PEAK1: variants seen among roughly 807,000 people sequenced by gnomAD.
PEAK1 encodes the protein inactive tyrosine-protein kinase PEAK1.
In PEAK1, 54 loss-of-function variants were observed where a neutral mutation model predicts 124.7. The observed-to-expected ratio is 0.43, with a 90% CI of 0.35 to 0.54. PEAK1 has a LOEUF of 0.54. PEAK1 is among the 20% of genes least tolerant of loss of function. The probability of loss-of-function intolerance (pLI) is 0.01; values close to 1 mark genes in which losing one functional copy is unlikely to be tolerated. For synonymous variants in PEAK1, 719 were observed against 760.0 expected (o/e 0.95, Z 0.89); for missense variants, 2,046 against 2,134.5 (o/e 0.96, Z 0.82).
At chr15:77,333,307 ATTTG>A (rs1234252346) in intron 2 of PEAK1, 1 of 971,908 alleles carries the variant, frequency 1.0e-6, no homozygotes, top group East Asian at 1.1e-4. Context: ...GTGTGTTATT[ATTTG>A]TTTAATTTTG....
chr15:77,395,494 C>T lies in PEAK1; in HGVS notation c.-666+24512G>A, dbSNP rs144869341. On this transcript the variant is annotated intron_variant, in intron 1 of 9. Transcript: ENST00000682557. Reference sequence around the variant, plus strand: ...AGAAGATTTAACCCATGTAAGACTACCTCAAGACATTTAATCATCAAACTT... The same window carrying T: ...AGAAGATTTAACCCATGTAAGACTATCTCAAGACATTTAATCATCAAACTT... Among the ~76,000 whole-genome samples the T allele has an allele frequency of 4.5e-3, 687 of 152,076 alleles. 4 individuals carry two copies. The highest frequency in any genetic ancestry group is 0.015 in the African/African-American group (633 of 41,492).
chr15:77,224,476 T>C (rs907844132), intron 6 of PEAK1, among the ~76,000 whole-genome samples: 1 of 152,078 alleles, frequency 6.6e-6, no homozygotes, highest in African/African-American at 2.4e-5. Context: ...GAGGGCTGAT[T>C]TGTCTCTGAC....
At chr15:77,198,649 T>C (rs969023187) in intron 6 of PEAK1, among the ~76,000 whole-genome samples, 23 of 152,210 alleles carry the variant, frequency 1.5e-4, no homozygotes, top group Admixed American at 5.9e-4. Context: ...AGCATTTGTA[T>C]GGGTGCAGGA....
At chr15:77,354,173 A>T (rs2067364578) in intron 2 of PEAK1, among the ~76,000 whole-genome samples, 1 of 152,204 alleles carries the variant, frequency 6.6e-6, no homozygotes, top group Non-Finnish European at 1.5e-5. Context: ...ATCAAACTAA[A>T]TATTACAAAA....
At chr15:77,245,281 A>G (rs545565739) in intron 6 of PEAK1, among the ~76,000 whole-genome samples, 2 of 152,022 alleles carry the variant, frequency 1.3e-5, no homozygotes, top group Admixed American at 1.3e-4. Context: ...CCTGAGCCCA[A>G]GAAGTCAAGG....
At chr15:77,350,299 T>G (rs767913186) in intron 2 of PEAK1, 14 of 985,230 alleles carry the variant, frequency 1.4e-5, no homozygotes, top group Admixed American at 6.2e-5. Context: ...ATATATAATT[T>G]GGGTGGGAAT....
At position 77,115,098 on chromosome 15, in the gene PEAK1, G is replaced by A. The variant is rs1022533398; in HGVS notation, c.4299C>T (p.Asn1433=). 4 of 1,613,986 alleles carry A rather than the reference G, an allele frequency of 2.5e-6. No homozygotes were observed. The highest frequency in any genetic ancestry group is 2.2e-5 in the East Asian group (1 of 44,886). The change falls in exon 10 of 10, where the codon AAC becomes AAT. Residue 1433 remains asparagine, a synonymous_variant. Coordinates refer to ENST00000682557, the MANE Select transcript of PEAK1 (RefSeq NM_001385026.1). ...EDAKGETDGK[N]PKPCSEAASS... ...ATGCTGCTTCAGAACAGGGCTTTGG[G>A]TTTTTCCCATCCGTTTCTCCTTTGG...
chr15:77,198,460 T>C (rs980699295), intron 6 of PEAK1, among the ~76,000 whole-genome samples: 24 of 152,192 alleles, frequency 1.6e-4, no homozygotes, highest in African/African-American at 5.6e-4. Flanking sequence ...TTGCTTGTTA[T>C]GTACTGTAGT....
At chr15:77,333,014 T>G (rs2065986542) in intron 2 of PEAK1, 1 of 929,722 alleles carries the variant, frequency 1.1e-6, no homozygotes, top group South Asian at 5.0e-5. Context: ...TATTGACTTA[T>G]AAGTGCTCTT....
chr15:77,255,526 C>T (rs1171127258), intron 5 of PEAK1: 5 of 276,618 alleles, frequency 1.8e-5, no homozygotes, highest in African/African-American at 1.1e-4. Flanking sequence ...AAAAATATTC[C>T]CAAAATATGC....
Position 77,114,954 on chromosome 15 carries a change from C to T in PEAK1, c.4443G>A (p.Gln1481=). 1 of 1,614,120 alleles carries T rather than the reference C, an allele frequency of 6.2e-7. No homozygotes were observed. The highest frequency in any genetic ancestry group is 8.5e-7 in the Non-Finnish European group (1 of 1,180,022). ...CATACAAATCAGGGCTTTTCCCATG[C>T]TGGGCCAGAGAGTCTCGCACAAAAT... is the stretch of plus-strand genomic sequence containing the variant. ...VADFVRDSLA[Q]HGKSPDLYER... is the part of the protein sequence containing the mutation. Residue 1481 remains glutamine (Q), a synonymous_variant, in exon 10 of 10, where the codon CAG becomes CAA. Coordinates refer to ENST00000682557, the MANE Select transcript of PEAK1 (RefSeq NM_001385026.1).
At chr15:77,251,918 T>A (rs1419339093) in intron 6 of PEAK1, among the ~76,000 whole-genome samples, 1 of 152,258 alleles carries the variant, frequency 6.6e-6, no homozygotes, top group Non-Finnish European at 1.5e-5. Context: ...GCTGCTACTG[T>A]CTGCCTACAA....
intron 5 of PEAK1, among the ~76,000 whole-genome samples, chr15:77,281,985 A>G (rs2062698189): frequency 6.6e-6 from 1 of 152,206 alleles, no homozygotes; most frequent in Non-Finnish European, 1.5e-5. Context: ...CGAAGCCCTG[A>G]GCTATATCTA....
In PEAK1 at chr15:77,285,018, G is replaced by A. The variant is rs1453119903; in HGVS notation, c.-483C>T. 1 of 151,600 alleles carries A rather than the reference G, an allele frequency of 6.6e-6. No individual in the cohort carries two copies. Among genetic ancestry groups the A allele is most frequent in the East Asian group, 1.9e-4 (1 of 5,164 alleles). 9.4% of individuals were successfully genotyped at this position (151,600 alleles called of 1,614,324 possible). On this transcript the variant is annotated 5_prime_UTR_variant, in exon 4 of 10. Coordinates refer to ENST00000682557, the MANE Select transcript of PEAK1 (RefSeq NM_001385026.1). ...GAATTACTCGAACCCGGAAGGCAGA[G>A]GTTGCAGTGAGCCAAGATCACGCCA...
rs1354525713 is a variant in PEAK1 at position 77,338,559 on chromosome 15, T to A, written c.-603+26604A>T. ...TGTTGAGTATTCTTAACAGACTAGC[T>A]ATGGAACAGCATATTAACAATCTAA... On this transcript the variant is annotated intron_variant, in intron 2 of 9. Transcript: ENST00000682557. 2.0e-5 allele frequency among the ~76,000 whole-genome samples: 3 copies of A among 151,984 alleles called. No homozygotes were observed. In the East Asian group the frequency reaches 5.8e-4, roughly 29 times the overall value.
intron 5 of PEAK1, among the ~76,000 whole-genome samples, chr15:77,261,443 G>C (rs1403497164): frequency 6.6e-6 from 1 of 152,126 alleles, no homozygotes; most frequent in African/African-American, 2.4e-5. Context: ...TGATGGAGCT[G>C]AAAACCACGG....
chr15:77,232,802 A>G (rs2059962158), intron 6 of PEAK1, among the ~76,000 whole-genome samples: 1 of 152,002 alleles, frequency 6.6e-6, no homozygotes, highest in Non-Finnish European at 1.5e-5. Flanking sequence ...CTGGAGTGCA[A>G]TGGTGTGATC....
intron 6 of PEAK1, among the ~76,000 whole-genome samples, chr15:77,247,459 T>C: frequency 6.7e-6 from 1 of 149,158 alleles, no homozygotes; most frequent in East Asian, 2.0e-4. Flanking sequence ...TTTTTAATTT[T>C]TTTTTTCTCT....
At chr15:77,143,761 T>A (rs16968683) in intron 8 of PEAK1, among the ~76,000 whole-genome samples, 1 of 152,194 alleles carries the variant, frequency 6.6e-6, no homozygotes, top group Non-Finnish European at 1.5e-5. Context: ...CTGTGAATAT[T>A]TCTCTGTAAG....
Sources: gnomAD v4.1 joint callset for allele counts (sites outside exome capture counted in the v4.1 genomes callset) on GRCh38, gnomAD v4.1.1 for gene constraint, MANE v1.5 for transcripts, NCBI Gene and HGNC (gene_info 2026-07-23, HGNC 2026-07-21) for gene names.